CTTNBP2: variants seen among roughly 807,000 people sequenced by gnomAD.
CTTNBP2 encodes the protein cortactin-binding protein 2.
A neutral mutation model predicts 156.9 loss-of-function variants in CTTNBP2; 108 were observed. That is an observed-to-expected ratio of 0.69 (90% CI 0.59 to 0.81). The LOEUF (loss-of-function observed/expected upper bound fraction) is 0.81. CTTNBP2 is among the 30% of genes least tolerant of loss of function. The pLI, the probability that CTTNBP2 is intolerant of heterozygous loss-of-function variation, is 0.00. For missense variants in CTTNBP2, 1,924 were observed against 2,035.4 expected (o/e 0.95, Z 1.05); for synonymous variants, 767 against 751.8 (o/e 1.02, Z -0.33).
chr7:117,744,915 C>A (rs1382541988), intron 14 of CTTNBP2, among the ~76,000 whole-genome samples: 1 of 152,174 alleles, frequency 6.6e-6, no homozygotes, highest in East Asian at 1.9e-4. Context: ...TATAGAAGCA[C>A]CCCTCCCCAA....
intron 1 of CTTNBP2, among the ~76,000 whole-genome samples, chr7:117,864,319 T>C (rs1187818863): frequency 1.3e-5 from 2 of 152,128 alleles, no homozygotes; most frequent in African/African-American, 2.4e-5. Context: ...GTTTGAAACA[T>C]ACAGTGCATC....
intron 3 of CTTNBP2, among the ~76,000 whole-genome samples, chr7:117,794,447 T>C (rs762347276): frequency 2.6e-5 from 4 of 152,206 alleles, no homozygotes; most frequent in Non-Finnish European, 5.9e-5. Flanking sequence ...CTGTAGATGT[T>C]AAACACAAAT....
Position 117,791,866 on chromosome 7 carries a change from G to A in CTTNBP2, c.1330C>T (p.Arg444Ter), listed in dbSNP as rs747354802. ...AATCTAAATCTAGCTGCTTGGATTC[G>A]TGGGTTTAGACCTGGATGCAAAGAG... ...NTSLHPGLNP[R>*]IQAARFRFQG... Residue 444 changes from arginine to a stop codon, truncating the protein, a stop_gained, in exon 4 of 23, where the codon CGA becomes TGA. Coordinates refer to ENST00000160373, the MANE Select transcript of CTTNBP2 (RefSeq NM_033427.3). LOFTEE classifies it high-confidence loss of function. 6.2e-7 allele frequency: 1 copy of A among 1,614,120 alleles called. No homozygotes were observed. The highest frequency in any genetic ancestry group is 8.5e-7 in the Non-Finnish European group (1 of 1,180,018).
In CTTNBP2 at chr7:117,722,876, T is replaced by G. The variant is rs1794882256; in HGVS notation, c.4447+1671A>C. Among the ~76,000 whole-genome samples, 3 of 152,192 alleles carry G rather than the reference T, an allele frequency of 2.0e-5. No individual in the cohort carries two copies. The South Asian group carries it at 6.2e-4, about 32-fold the overall frequency. Reference sequence around the variant, plus strand: ...CAAGAAACAATTACAGAACCGCATATTTCCAGGAGAGGTGATTTGGAGCAG... The same window carrying G: ...CAAGAAACAATTACAGAACCGCATAGTTCCAGGAGAGGTGATTTGGAGCAG... On this transcript the variant is annotated intron_variant, in intron 19 of 22. Transcript: ENST00000160373.
intron 3 of CTTNBP2, among the ~76,000 whole-genome samples, chr7:117,796,517 C>G (rs1220707883): frequency 3.9e-5 from 6 of 152,164 alleles, no homozygotes; most frequent in Non-Finnish European, 7.4e-5. Context: ...GTACTAAATT[C>G]TGATCCCGAA....
At chr7:117,772,750 G>A (rs551212888) in intron 8 of CTTNBP2, among the ~76,000 whole-genome samples, 12 of 152,198 alleles carry the variant, frequency 7.9e-5, no homozygotes, top group South Asian at 2.1e-4. Context: ...TATATTCTGC[G>A]GATCAACAAG....
In CTTNBP2 at chr7:117,717,879, ACTTTTACCTTTATC is replaced by A. The variant is rs1364230851; in HGVS notation, c.4746+125_4746+138del. On this transcript the variant is annotated intron_variant, in intron 22 of 22. Coordinates refer to ENST00000160373, the MANE Select transcript of CTTNBP2 (RefSeq NM_033427.3). ...GTACTCTTTCTAAAACCTAATGAAC[ACTTTTACCTTTATC>A]CTATTTCTCAGTTCTTAGCTTTGGT... 17 of 563,190 alleles carry A rather than the reference ACTTTTACCTTTATC, an allele frequency of 3.0e-5. No homozygotes were observed. In the East Asian group the frequency reaches 5.1e-4, roughly 17 times the overall value. The allele number at this position is 563,190 out of a possible 1,614,324, so 34.9% of individuals were successfully genotyped here. A position where few individuals can be genotyped will look rare whatever the true frequency, so the allele number is the denominator to read the frequency against.
intron 2 of CTTNBP2, among the ~76,000 whole-genome samples, chr7:117,840,953 A>T (rs1287772646): frequency 6.6e-6 from 1 of 152,222 alleles, no homozygotes; most frequent in Non-Finnish European, 1.5e-5. Context: ...TATTAAAAAC[A>T]CATAGAGATT....
chr7:117,730,210 T>C (rs33999370), intron 16 of CTTNBP2, among the ~76,000 whole-genome samples: 5,378 of 152,154 alleles, frequency 0.035, 314 homozygotes, highest in African/African-American at 0.12. Context: ...TGCTTCCCTA[T>C]TCTCAGCAAA....
intron 8 of CTTNBP2, 31 bp from the exon 9 acceptor site, chr7:117,767,207 G>T: frequency 8.3e-7 from 1 of 1,209,576 alleles, no homozygotes; most frequent in Non-Finnish European, 1.2e-6. Flanking sequence ...TTACCTCCAA[G>T]TCCAAATGAA....
At chr7:117,756,256 T>C (rs958119232) in intron 12 of CTTNBP2, among the ~76,000 whole-genome samples, 22 of 152,200 alleles carry the variant, frequency 1.4e-4, no homozygotes, top group Non-Finnish European at 2.9e-4. Context: ...ATATTGATCA[T>C]CATTTACTTG....
At chr7:117,774,321 A>T (rs1025154426) in intron 8 of CTTNBP2, among the ~76,000 whole-genome samples, 2 of 152,166 alleles carry the variant, frequency 1.3e-5, no homozygotes, top group Non-Finnish European at 2.9e-5. Context: ...GTAGATAAAG[A>T]CTTAGTTTCT....
intron 2 of CTTNBP2, among the ~76,000 whole-genome samples, chr7:117,854,051 GC>G (rs1248894105): frequency 6.6e-6 from 1 of 152,180 alleles, no homozygotes; most frequent in Admixed American, 6.5e-5. Flanking sequence ...CAAATACAAT[GC>G]TACTTAAAAA....
intron 10 of CTTNBP2, among the ~76,000 whole-genome samples, chr7:117,759,322 T>A (rs1797062950): frequency 6.6e-6 from 1 of 152,086 alleles, no homozygotes; most frequent in Non-Finnish European, 1.5e-5. Flanking sequence ...ATGTTGCCCA[T>A]GCTGGTCTTG....
chr7:117,734,823 T>G, intron 16 of CTTNBP2, 90 bp downstream of exon 16: 1 of 997,922 alleles, frequency 1.0e-6, no homozygotes, highest in Non-Finnish European at 1.4e-6. Context: ...CAAGGCTGCA[T>G]AGTTAGTGAG....
intron 16 of CTTNBP2, among the ~76,000 whole-genome samples, chr7:117,729,071 A>C (rs1375470754): frequency 6.6e-6 from 1 of 152,224 alleles, no homozygotes; most frequent in Non-Finnish European, 1.5e-5. Context: ...TAGAGCTCTC[A>C]TTGTAACTCG....
intron 14 of CTTNBP2, among the ~76,000 whole-genome samples, chr7:117,741,396 G>C (rs1034415646): frequency 3.3e-5 from 5 of 152,178 alleles, no homozygotes; most frequent in African/African-American, 1.2e-4. Context: ...AGTGAAGAAA[G>C]ATATTGATAC....
chr7:117,802,789 A>G (rs1208844188), intron 3 of CTTNBP2, among the ~76,000 whole-genome samples: 2 of 152,172 alleles, frequency 1.3e-5, no homozygotes, highest in Admixed American at 6.5e-5. Flanking sequence ...ACAATGCTCT[A>G]TATCACTAAT....
chr7:117,777,854 G>A, intron 7 of CTTNBP2, 89 bp from the exon 8 acceptor site: 1 of 1,290,980 alleles, frequency 7.7e-7, no homozygotes, highest in Non-Finnish European at 1.1e-6. Flanking sequence ...AAATGTTCTT[G>A]GGCATGGACC....
Sources: allele counts gnomAD v4.1 joint callset (sites outside exome capture counted in the v4.1 genomes callset), GRCh38; gene constraint gnomAD v4.1.1; transcripts MANE v1.5; gene names NCBI Gene and HGNC (gene_info 2026-07-23, HGNC 2026-07-21).